MRPS22: variants seen among roughly 807,000 people sequenced by gnomAD.
MRPS22 encodes mitochondrial ribosomal protein S22.
Under a neutral mutation model 44.0 loss-of-function variants are expected in MRPS22, and 30 were observed. The observed-to-expected ratio is 0.68, with a 90% CI of 0.51 to 0.93. The LOEUF is 0.93. Among genes scored for constraint, MRPS22 ranks in the 40% least tolerant of loss-of-function variants. The pLI is 0.00. For synonymous variants in MRPS22, 165 were observed against 154.4 expected (o/e 1.07, Z -0.51); for missense variants, 447 against 447.8 (o/e 1.00, Z 0.02).
intron 7 of MRPS22, among the ~76,000 whole-genome samples, chr3:139,356,659 T>C (rs529719635): frequency 6.6e-6 from 1 of 152,236 alleles, no homozygotes. Context: ...GAAGTATTAA[T>C]ATTAATACAA....
chr3:139,352,509 G>A (rs776304446), intron 5 of MRPS22, 138 bp from the exon 6 acceptor site: 17 of 712,638 alleles, frequency 2.4e-5, no homozygotes, highest in Middle Eastern at 6.9e-4. Flanking sequence ...CATACCAATT[G>A]GTTAATGATA....
chr3:139,356,576 T>C (rs1398010159), intron 7 of MRPS22, among the ~76,000 whole-genome samples: 1 of 152,220 alleles, frequency 6.6e-6, no homozygotes, highest in Non-Finnish European at 1.5e-5. Flanking sequence ...TTCTTTAAAG[T>C]CAAAAGTTAG....
At chr3:139,344,226 G>A (rs1204034414) in intron 1 of MRPS22, 28 bp downstream of exon 1, 2 of 1,580,622 alleles carry the variant, frequency 1.3e-6, no homozygotes, top group Non-Finnish European at 1.7e-6. Context: ...CTTTCGCTGG[G>A]GCGTTCTTCT....
intron 2 of MRPS22, 36 bp downstream of exon 2, chr3:139,347,080 C>A: frequency 6.2e-7 from 1 of 1,611,266 alleles, no homozygotes; most frequent in Non-Finnish European, 8.5e-7. Flanking sequence ...GAATACCTTT[C>A]TTTAAGGGTT....
chr3:139,355,630 G>A (rs1941233511), intron 6 of MRPS22, 52 bp from the exon 7 acceptor site: 5 of 1,421,292 alleles, frequency 3.5e-6, no homozygotes, highest in South Asian at 1.2e-5. Flanking sequence ...TTATAGGACT[G>A]TGAATCAAAT....
intron 7 of MRPS22, 93 bp from the exon 8 acceptor site, chr3:139,356,826 T>A (rs1256896695): frequency 1.1e-6 from 1 of 871,122 alleles, no homozygotes; most frequent in Non-Finnish European, 1.8e-6. Flanking sequence ...GACTCTTTGC[T>A]ACTACAGAAA....
chr3:139,350,670 C>T, intron 4 of MRPS22: 1 of 320,394 alleles, frequency 3.1e-6, no homozygotes. Context: ...TCGGGATTCG[C>T]ACCCCCCCCC....
rs150629747 is a variant in MRPS22, at chr3:139,344,197, C to G, written c.171C>G (p.Ala57=). The G allele has an allele frequency of 6.2e-7, 1 of 1,605,550 alleles. No individual in the cohort carries two copies. The highest frequency in any genetic ancestry group is 8.5e-7 in the Non-Finnish European group (1 of 1,176,800). Reference sequence around the variant, plus strand: ...CACGCCGCCGGTTCAGCTCCGAGGCCGGTAAGTGACCTTCCGGACTTTCGC... The same window carrying G: ...CACGCCGCCGGTTCAGCTCCGAGGCGGGTAAGTGACCTTCCGGACTTTCGC... ...GLPRRRFSSE[A]AESGSPETKK... Residue 57 remains alanine (A), a splice_region_variant and synonymous_variant, in exon 1 of 8, where the codon GCC becomes GCG. Transcript: ENST00000680020.
At chr3:139,346,608 A>G (rs1422122028) in intron 1 of MRPS22, among the ~76,000 whole-genome samples, 2 of 152,216 alleles carry the variant, frequency 1.3e-5, no homozygotes, top group African/African-American at 2.4e-5. Context: ...GGCAGCAACC[A>G]TTACAGTTAT....
At chr3:139,354,907 T>C (rs1339985618) in intron 6 of MRPS22, among the ~76,000 whole-genome samples, 1 of 152,306 alleles carries the variant, frequency 6.6e-6, no homozygotes, top group East Asian at 1.9e-4. Context: ...TGGGAAAGTG[T>C]CAGCTGTGTG....
At chr3:139,355,577 G>C in intron 6 of MRPS22, 105 bp from the exon 7 acceptor site, 1 of 931,958 alleles carries the variant, frequency 1.1e-6, no homozygotes, top group Non-Finnish European at 1.7e-6. Flanking sequence ...TCCAGCCTGA[G>C]GAAAGTCTGA....
intron 1 of MRPS22, 25 bp from the exon 2 acceptor site, chr3:139,346,850 GCTT>G (rs1203126629): frequency 5.6e-6 from 9 of 1,613,464 alleles, no homozygotes; most frequent in Non-Finnish European, 7.6e-6. Context: ...ATTTTTGTCA[GCTT>G]CTTATTTACT....
At chr3:139,355,453 T>G in intron 6 of MRPS22, 10 of 566,038 alleles carry the variant, frequency 1.8e-5, no homozygotes, top group Admixed American at 3.0e-5. Flanking sequence ...ATTGGACACT[T>G]CCTGCAGTGA....
intron 3 of MRPS22, chr3:139,349,301 A>T: frequency 2.3e-6 from 1 of 442,314 alleles, no homozygotes; most frequent in South Asian, 1.7e-5. Flanking sequence ...TTATGTTGGC[A>T]TGTGCTTTTT....
rs1250398879 is a variant in MRPS22, at chr3:139,348,275, A to G, written c.455A>G (p.Glu152Gly). The G allele has an allele frequency of 1.2e-6, 2 of 1,614,032 alleles. No individual in the cohort carries two copies. The highest frequency in any genetic ancestry group is 2.7e-5 in the African/African-American group (2 of 74,940). Residue 152 changes from glutamate (E) to glycine (G), a missense_variant, in exon 3 of 8, where the codon GAA becomes GGA. Glu to Gly is a moderately conservative substitution (Grantham distance 98). Coordinates refer to ENST00000680020, the MANE Select transcript of MRPS22 (RefSeq NM_020191.4). ...GAAGATAAGATTTTGGAAGGAACAG[A>G]AACAACCAAATATGTGTTTACTGAT... ...LAEDKILEGT[E>G]TTKYVFTDIS...
At chr3:139,352,437 A>G (rs1258646363) in intron 5 of MRPS22, 19 of 502,950 alleles carry the variant, frequency 3.8e-5, no homozygotes, top group Non-Finnish European at 6.5e-5. Context: ...CCTGGCCAAA[A>G]TTCTTTCTTA....
At chr3:139,346,039 A>G (rs967235266) in intron 1 of MRPS22, among the ~76,000 whole-genome samples, 1 of 152,172 alleles carries the variant, frequency 6.6e-6, no homozygotes, top group African/African-American at 2.4e-5. Flanking sequence ...GCTAATGGAA[A>G]TGGAAGTAGA....
intron 3 of MRPS22, 26 bp downstream of exon 3, chr3:139,348,350 G>A: frequency 6.2e-7 from 1 of 1,609,524 alleles, no homozygotes; most frequent in Admixed American, 1.7e-5. Flanking sequence ...ATCGCAAAAT[G>A]ATCTTTCTTT....
chr3:139,347,206 A>G (rs936243716), intron 2 of MRPS22, among the ~76,000 whole-genome samples, 162 bp downstream of exon 2: 5 of 152,186 alleles, frequency 3.3e-5, no homozygotes, highest in Admixed American at 6.5e-5. Flanking sequence ...GCTGCCAGAG[A>G]GGGGCAGGGA....
Sources: allele counts gnomAD v4.1 joint callset (sites outside exome capture counted in the v4.1 genomes callset), GRCh38; gene constraint gnomAD v4.1.1; transcripts MANE v1.5; gene names NCBI Gene and HGNC (gene_info 2026-07-23, HGNC 2026-07-21).